CHRD: variants seen among roughly 807,000 people sequenced by gnomAD.
The protein encoded by CHRD is chordin.
CHRD carries 69 observed loss-of-function variants against 113.7 expected under a neutral mutation model. The ratio of observed to expected loss-of-function variants is 0.61; its 90% CI spans 0.50 to 0.74. The LOEUF (loss-of-function observed/expected upper bound fraction) is 0.74. Among genes scored for constraint, CHRD ranks in the 30% least tolerant of loss-of-function variants. The pLI is 0.00. For missense variants in CHRD, 1,194 were observed against 1,295.8 expected, an observed-to-expected ratio of 0.92 and a Z score of 1.21; for synonymous variants, 561 against 540.8, an observed-to-expected ratio of 1.04 and a Z score of -0.52.
Position 184,381,138 on chromosome 3 carries a change from G to A in CHRD, c.253-97G>A, listed in dbSNP as rs1446101519. 8.6e-6 allele frequency: 12 copies of A among 1,394,776 alleles called. No individual in the cohort carries two copies. The highest frequency in any genetic ancestry group is 1.1e-5 in the Non-Finnish European group (11 of 987,180). The allele number at this position is 1,394,776 out of a possible 1,614,324, so 86.4% of individuals were successfully genotyped here. The stretch of plus-strand genomic sequence containing the variant: ...TCTAGGGTCACGCAGCTTGTAAGTG[G>A]CAGAGCTGGCTGACTCTGCGGGACA... On this transcript the variant is annotated intron_variant, in intron 2 of 22. Transcript: ENST00000204604. The surrounding 1 kb of genome is among the most constrained non-coding windows in gnomAD (Gnocchi z 4.7).
chr3:184,386,914 G>T, exon 17 of CHRD: 1 of 1,614,194 alleles, frequency 6.2e-7, no homozygotes, highest in East Asian at 2.2e-5. Flanking sequence ...GCAGGCTCCC[G>T]ACCAGTGCTG....
rs779842072 is a variant in CHRD, at chr3:184,386,480, C to T, written c.1933-12C>T. ...GAGCCCCAGCGCTGCCTCAGTTGGC[C>T]TCTCCTCCCAGGTGCACATAGCCAA... On this transcript the variant is annotated splice_polypyrimidine_tract_variant and intron_variant, in intron 15 of 22. Coordinates refer to ENST00000204604, the Ensembl canonical transcript of CHRD. 6.5e-7 allele frequency: 1 copy of T among 1,537,172 alleles called. No homozygotes were observed. Among genetic ancestry groups the T allele is most frequent in the South Asian group, 1.2e-5 (1 of 82,280 alleles).
Position 184,381,933 on chromosome 3 carries a change from G to T in CHRD, c.612G>T (p.Arg204=). ...GCCTCACCCGACCTCTCATTCCCAG[G>T]CTGGACCGCCCTACCAGGATCCGCT... Residue 204 remains arginine (R), a splice_region_variant and synonymous_variant, in exon 6 of 23, where the codon CGG becomes CGT. Coordinates refer to ENST00000204604, the Ensembl canonical transcript of CHRD. This position sits in a 1 kb window ranked among gnomAD's most constrained non-coding sequence, Gnocchi z 4.7. The T allele has an allele frequency of 6.2e-7, 1 of 1,614,104 alleles. No individual in the cohort carries two copies. Among genetic ancestry groups the T allele is most frequent in the Non-Finnish European group, 8.5e-7 (1 of 1,180,024 alleles).
chr3:184,390,454 T>G (rs1390311125), downstream of CHRD: 1 of 151,930 alleles, frequency 6.6e-6, no homozygotes, highest in Non-Finnish European at 1.5e-5. Flanking sequence ...TCTGTTTTTT[T>G]CCTGGAAACT....
At position 184,384,925 on chromosome 3, in the gene CHRD, G is replaced by A. The variant is rs559327649; in HGVS notation, c.1598-93G>A. On this transcript the variant is annotated intron_variant, in intron 13 of 22. Coordinates refer to ENST00000204604, the Ensembl canonical transcript of CHRD. The surrounding 1 kb of genome is among the most constrained non-coding windows in gnomAD (Gnocchi z 4.4). ...ACCTATGGACAGTGTCTTCCAGCTC[G>A]TGGAATGTGTGCTGGGGAGCTGGGA... is the stretch of plus-strand genomic sequence containing the variant. 2.4e-5 allele frequency: 32 copies of A among 1,360,804 alleles called. No homozygotes were observed. The highest frequency in any genetic ancestry group is 1.8e-4 in the South Asian group (14 of 79,430). The allele number at this position is 1,360,804 out of a possible 1,614,324, so 84.3% of individuals were successfully genotyped here. A position where few individuals can be genotyped will look rare whatever the true frequency, so the allele number is the denominator to read the frequency against.
rs781192276 is a variant in CHRD, at chr3:184,380,692, G to A, written c.149G>A (p.Gly50Asp). ...CCTCCAGCCAAGCCCGTCCCCGCAGGCTGCACCTTCGGCGGGAAGGTCTAT... is the reference window on the plus strand; with the variant it reads ...CCTCCAGCCAAGCCCGTCCCCGCAGACTGCACCTTCGGCGGGAAGGTCTAT... Residue 50 changes from glycine to aspartate, a missense_variant and splice_region_variant, in exon 2 of 23, where the codon GGC becomes GAC. Coordinates refer to ENST00000204604, the Ensembl canonical transcript of CHRD. This position sits in a 1 kb window ranked among gnomAD's most constrained non-coding sequence, Gnocchi z 6.3. 6.3e-7 allele frequency: 1 copy of A among 1,584,708 alleles called. No individual in the cohort carries two copies.
chr3:184,388,811 A>C lies in CHRD; in HGVS notation c.2709+70A>C, dbSNP rs2108664035. The C allele has an allele frequency of 6.2e-7, 1 of 1,604,884 alleles. No individual in the cohort carries two copies. The highest frequency in any genetic ancestry group is 1.7e-4 in the Middle Eastern group (1 of 6,038). On this transcript the variant is annotated intron_variant, in intron 21 of 22. Transcript: ENST00000204604. This position sits in a 1 kb window ranked among gnomAD's most constrained non-coding sequence, Gnocchi z 6.1. ...TGGTCTGGAGTAGGGAGACCTTCCC[A>C]GGGAGGTCCCTGAAGAAGCTGAAGG... is the stretch of plus-strand genomic sequence containing the variant.
rs1321647024 is a variant in CHRD, at chr3:184,387,351, T to C, written c.2348-23T>C. 1 of 1,595,092 alleles carries C rather than the reference T, an allele frequency of 6.3e-7. No homozygotes were observed. The highest frequency in any genetic ancestry group is 1.8e-4 in the Middle Eastern group (1 of 5,578). On this transcript the variant is annotated intron_variant, in intron 18 of 22. Coordinates refer to ENST00000204604, the Ensembl canonical transcript of CHRD. This position sits in a 1 kb window ranked among gnomAD's most constrained non-coding sequence, Gnocchi z 6.1. ...CAGCTGATGAGCTCATACTAATGGC[T>C]GCTGGGCCCTGTTCCCCACCAGGCT...
chr3:184,383,433 C>A lies in CHRD; in HGVS notation c.1320+15C>A. 6.2e-7 allele frequency: 1 copy of A among 1,613,456 alleles called. No individual in the cohort carries two copies. The highest frequency in any genetic ancestry group is 8.5e-7 in the Non-Finnish European group (1 of 1,179,622). ...TGATCTATCAGGTAAGAGCCAGGGGCTGCAGAAGGTGGGGGAGGGGTGGCG... is the reference window on the plus strand; with the variant it reads ...TGATCTATCAGGTAAGAGCCAGGGGATGCAGAAGGTGGGGGAGGGGTGGCG... On this transcript the variant is annotated intron_variant, in intron 11 of 22. Transcript: ENST00000204604.
Position 184,386,694 on chromosome 3 carries a change from G to T in CHRD, c.2135G>T (p.Arg712Leu). Residue 712 changes from arginine (R) to leucine (L), a missense_variant, in exon 16 of 23, where the codon CGC (arginine) becomes CTC (leucine). Transcript: ENST00000204604. ...ACATGCTTCTTCGAGGGGCAGCAGC[G>T]CCCCCACGGGGCTCGCTGGGCGCCC... 2.5e-6 allele frequency: 4 copies of T among 1,612,436 alleles called. No homozygotes were observed. The highest frequency in any genetic ancestry group is 2.5e-6 in the Non-Finnish European group (3 of 1,179,722).
Position 184,381,741 on chromosome 3 carries a change from G to C in CHRD, c.537G>C (p.Pro179=). 1 of 1,613,200 alleles carries C rather than the reference G, an allele frequency of 6.2e-7. No individual in the cohort carries two copies. The highest frequency in any genetic ancestry group is 1.3e-5 in the African/African-American group (1 of 75,066). ...ACTTCGTGGCGCTGCTGACAGGGCC[G>C]AGGTCGCAGGCGGTGGCACGAGCCC... The change falls in exon 5 of 23, where the codon CCG becomes CCC. Residue 179 remains proline, a synonymous_variant. Transcript: ENST00000204604. The surrounding 1 kb of genome is among the most constrained non-coding windows in gnomAD (Gnocchi z 4.7).
chr3:184,380,438 G>C lies in CHRD; in HGVS notation c.120G>C (p.Lys40Asn). The C allele has an allele frequency of 7.8e-7, 1 of 1,280,954 alleles. No homozygotes were observed. Among genetic ancestry groups the C allele is most frequent in the Non-Finnish European group, 9.9e-7 (1 of 1,008,910 alleles). The allele number at this position is 1,280,954 out of a possible 1,614,324, so 79.3% of individuals were successfully genotyped here. A position where few individuals can be genotyped will look rare whatever the true frequency, so the allele number is the denominator to read the frequency against. ...CCGTGCTGCCCATCCGTTCTGAGAAGGAGCCGCTGCCCGTTCGGGGAGCGG... is the reference window on the plus strand; with the variant it reads ...CCGTGCTGCCCATCCGTTCTGAGAACGAGCCGCTGCCCGTTCGGGGAGCGG... The change falls in exon 1 of 23, where the codon AAG becomes AAC. Residue 40 changes from lysine (K) to asparagine (N), a missense_variant. Lys to Asn is a moderately conservative substitution (Grantham distance 94). Transcript: ENST00000204604. This position sits in a 1 kb window ranked among gnomAD's most constrained non-coding sequence, Gnocchi z 6.3.
chr3:184,385,371 A>C, intron 14 of CHRD, 133 bp downstream of exon 14: 1 of 686,212 alleles, frequency 1.5e-6, no homozygotes, highest in South Asian at 1.8e-5. Flanking sequence ...AAAATAAATT[A>C]AACAGTGATT....
chr3:184,386,585 T>TCTG, exon 16 of CHRD: 1 of 1,590,858 alleles, frequency 6.3e-7, no homozygotes, highest in Non-Finnish European at 8.5e-7. Flanking sequence ...GGATACAGCC[T>TCTG]CTGCTGCGCC....
exon 16 of CHRD, chr3:184,386,550 A>T (rs1560309584): frequency 6.5e-7 from 1 of 1,540,256 alleles, no homozygotes; most frequent in Non-Finnish European, 8.7e-7. Context: ...GCCGGGGCCG[A>T]GGGGGTGCGG....
At chr3:184,386,047 C>G in exon 15 of CHRD, 2 of 1,614,158 alleles carry the variant, frequency 1.2e-6, no homozygotes, top group Non-Finnish European at 1.7e-6. Flanking sequence ...TATGTGCAGG[C>G]CCAGGGTGTG....
chr3:184,383,441 G>A (rs760011049), intron 11 of CHRD, 23 bp downstream of exon 11: 10 of 1,613,486 alleles, frequency 6.2e-6, no homozygotes, highest in South Asian at 1.1e-5. Flanking sequence ...GGCTGCAGAA[G>A]GTGGGGGAGG....
Position 184,384,847 on chromosome 3 carries a change from C to T in CHRD, c.1597+154C>T, listed in dbSNP as rs1716036607. 2 of 1,219,702 alleles carry T rather than the reference C, an allele frequency of 1.6e-6. No homozygotes were observed. Among genetic ancestry groups the T allele is most frequent in the Admixed American group, 2.4e-5 (1 of 42,544 alleles). 75.6% of individuals were successfully genotyped at this position (1,219,702 alleles called of 1,614,324 possible). A position where few individuals can be genotyped will look rare whatever the true frequency, so the allele number is the denominator to read the frequency against. ...TATAGGGTGGCCCTGCTGGCGGACT[C>T]TTCCTGTTGCTGAGGTTCAAGGGTC... On this transcript the variant is annotated intron_variant, in intron 13 of 22. Transcript: ENST00000204604. This position sits in a 1 kb window ranked among gnomAD's most constrained non-coding sequence, Gnocchi z 4.4.
At position 184,384,990 on chromosome 3, in the gene CHRD, C is replaced by T. The variant is rs1315462963; in HGVS notation, c.1598-28C>T. 1 of 1,607,698 alleles carries T rather than the reference C, an allele frequency of 6.2e-7. No homozygotes were observed. Among genetic ancestry groups the T allele is most frequent in the Non-Finnish European group, 8.5e-7 (1 of 1,175,520 alleles). The stretch of plus-strand genomic sequence containing the variant: ...GGCTTGCCCTAGGCCACCTTCTCAC[C>T]TGTCATCTCTCCTCTGTCTGGACCC... On this transcript the variant is annotated intron_variant, in intron 13 of 22. Transcript: ENST00000204604. This position sits in a 1 kb window ranked among gnomAD's most constrained non-coding sequence, Gnocchi z 4.4.
Sources: gnomAD v4.1 joint callset for allele counts on GRCh38, gnomAD v4.1.1 for gene constraint, Gnocchi (gnomAD v3.1) non-coding constraint, MANE v1.5 for transcripts, NCBI Gene and HGNC (gene_info 2026-07-23, HGNC 2026-07-21) for gene names.